USP13: variants seen among roughly 807,000 people sequenced by gnomAD.
USP13 encodes the protein ubiquitin specific peptidase 13.
Under a neutral mutation model 107.8 loss-of-function variants are expected in USP13, and 68 were observed. The observed-to-expected ratio is 0.63, with a 90% confidence interval of 0.52 to 0.77. The LOEUF (loss-of-function observed/expected upper bound fraction) is 0.77, where lower values mean the gene tolerates loss of function less well. USP13 is among the 30% of genes least tolerant of loss of function. The pLI is 0.00. For synonymous variants in USP13, 377 were observed against 389.5 expected (o/e 0.97, Z 0.38); for missense variants, 945 against 1,093.3 (o/e 0.86, Z 1.91).
chr3:179,693,163 T>G (rs1455417956), intron 3 of USP13, among the ~76,000 whole-genome samples: 1 of 152,158 alleles, frequency 6.6e-6, no homozygotes, highest in Non-Finnish European at 1.5e-5. Flanking sequence ...CTTTTTCGGT[T>G]TTTGAGACAG....
chr3:179,758,810 A>T (rs1714901777), intron 16 of USP13, among the ~76,000 whole-genome samples: 1 of 150,700 alleles, frequency 6.6e-6, no homozygotes, highest in South Asian at 2.1e-4. Context: ...TAAAATTTTT[A>T]AAAGAATAAC....
chr3:179,714,847 C>T (rs111976237), intron 6 of USP13, among the ~76,000 whole-genome samples: 3,038 of 150,078 alleles, frequency 0.02, 47 homozygotes, highest in Non-Finnish European at 0.027. Context: ...TCTGTCCTGG[C>T]GGTTCTCTTT....
chr3:179,677,426 C>G (rs1054163420), intron 1 of USP13, among the ~76,000 whole-genome samples: 54 of 151,942 alleles, frequency 3.6e-4, no homozygotes, highest in African/African-American at 1.2e-3. Context: ...ACTGAAAATA[C>G]AACATTAGCC....
intron 7 of USP13, among the ~76,000 whole-genome samples, chr3:179,720,465 T>C (rs1448078261): frequency 6.6e-6 from 1 of 152,220 alleles, no homozygotes; most frequent in African/African-American, 2.4e-5. Context: ...CACATTACTG[T>C]TGATAGAGAA....
chr3:179,768,986 C>A (rs6791555), intron 19 of USP13, among the ~76,000 whole-genome samples: 5 of 151,884 alleles, frequency 3.3e-5, no homozygotes, highest in African/African-American at 1.2e-4. Flanking sequence ...TATGAAAAGA[C>A]AAAATTAAAA....
rs768616603 is a variant in USP13 at position 179,752,243 on chromosome 3, T to G, written c.1710-42T>G. On this transcript the variant is annotated intron_variant, in intron 13 of 20. Transcript: ENST00000263966. ...GCTTTTTGAACTGTATTCACAATTC[T>G]TATTGCCTTGTTTCATTGATATATC... 29 of 1,562,750 alleles carry G rather than the reference T, an allele frequency of 1.9e-5. No individual in the cohort carries two copies. The South Asian group carries it at 3.2e-4, about 17-fold the overall frequency.
intron 17 of USP13, among the ~76,000 whole-genome samples, chr3:179,763,590 A>G (rs558881907): frequency 1.2e-4 from 19 of 152,128 alleles, no homozygotes; most frequent in African/African-American, 4.1e-4. Flanking sequence ...CCAGTACCAG[A>G]CTGTCTTTTT....
In USP13 at chr3:179,745,106, A is replaced by G; in HGVS notation, c.1598A>G (p.Glu533Gly). 6.2e-7 allele frequency: 1 copy of G among 1,614,150 alleles called. No individual in the cohort carries two copies. Among genetic ancestry groups the G allele is most frequent in the African/African-American group, 1.3e-5 (1 of 75,032 alleles). ...GAAGCAAACAGAAGACCCCTTCCTG[A>G]GTTGGTACGTGCCAAGATACCATTT... The part of the protein sequence containing the change: ...EAEANRRPLP[E>G]LVRAKIPFSA... The change falls in exon 13 of 21, where the codon GAG becomes GGG. Residue 533 changes from glutamate (E) to glycine (G), a missense_variant. Transcript: ENST00000263966.
chr3:179,712,073 A>G (rs1712950195), intron 6 of USP13, among the ~76,000 whole-genome samples: 1 of 152,228 alleles, frequency 6.6e-6, no homozygotes, highest in Admixed American at 6.5e-5. Context: ...CCACTGCCAT[A>G]TATGCAGTCC....
intron 6 of USP13, among the ~76,000 whole-genome samples, chr3:179,711,813 T>C (rs1712940058): frequency 6.6e-6 from 1 of 152,204 alleles, no homozygotes; most frequent in Non-Finnish European, 1.5e-5. Context: ...ATAAGTAAAA[T>C]AACAATAAAA....
rs1713748093 is a variant in USP13 at position 179,730,153 on chromosome 3, G to A, written c.1089-36G>A. On this transcript the variant is annotated intron_variant, in intron 8 of 20. Transcript: ENST00000263966. Reference sequence around the variant, plus strand: ...TTGTTTTGGTTCTGTTCTTCTTGCAGTTGCTATGTTTTAACTATTGCCTCT... The same window carrying A: ...TTGTTTTGGTTCTGTTCTTCTTGCAATTGCTATGTTTTAACTATTGCCTCT... 1.9e-6 allele frequency: 3 copies of A among 1,578,224 alleles called. No homozygotes were observed. In the African/African-American group the frequency reaches 4.1e-5, roughly 21 times the overall value.
At chr3:179,712,355 G>A (rs1264094713) in intron 6 of USP13, among the ~76,000 whole-genome samples, 2 of 152,238 alleles carry the variant, frequency 1.3e-5, no homozygotes, top group Non-Finnish European at 2.9e-5. Context: ...AGAGATAAAA[G>A]TTTAGATAAA....
At chr3:179,746,746 A>G (rs569161146) in intron 13 of USP13, among the ~76,000 whole-genome samples, 3 of 151,478 alleles carry the variant, frequency 2.0e-5, no homozygotes, top group South Asian at 4.2e-4. Flanking sequence ...TTGTTTTTTT[A>G]GTGGAGACAG....
At chr3:179,700,187 C>T (rs2108473612) in intron 3 of USP13, among the ~76,000 whole-genome samples, 1 of 152,144 alleles carries the variant, frequency 6.6e-6, no homozygotes, top group South Asian at 2.1e-4. Context: ...GAGGGGACGA[C>T]CTGATAGGTA....
intron 1 of USP13, among the ~76,000 whole-genome samples, chr3:179,663,375 C>T (rs969203485): frequency 6.6e-6 from 1 of 152,154 alleles, no homozygotes; most frequent in Admixed American, 6.5e-5. Context: ...CTTGTTTATC[C>T]AGTCATCTGT....
At chr3:179,767,447 CAG>C (rs1352593192) in intron 19 of USP13, among the ~76,000 whole-genome samples, 2 of 145,410 alleles carry the variant, frequency 1.4e-5, no homozygotes, top group Non-Finnish European at 3.0e-5. Flanking sequence ...TTTTTTGAGA[CAG>C]AGTCTCACTC....
intron 19 of USP13, among the ~76,000 whole-genome samples, chr3:179,777,443 C>CTTTTT (rs11317182): frequency 1.1e-4 from 12 of 113,672 alleles, no homozygotes; most frequent in East Asian, 2.7e-4. Flanking sequence ...CTCTCTCTCT[C>CTTTTT]TTTTTTTTTT....
chr3:179,749,569 A>G (rs1714524352), intron 13 of USP13, among the ~76,000 whole-genome samples: 1 of 152,224 alleles, frequency 6.6e-6, no homozygotes, highest in Non-Finnish European at 1.5e-5. Context: ...TTGAACAGAT[A>G]TATATTGAAC....
chr3:179,743,258 G>T (rs1189516003), intron 12 of USP13, among the ~76,000 whole-genome samples: 2 of 152,216 alleles, frequency 1.3e-5, no homozygotes, highest in East Asian at 3.9e-4. Context: ...GTTGGTGGGT[G>T]GGGGGAAAGG....
Sources: gnomAD v4.1 joint callset for allele counts (sites outside exome capture counted in the v4.1 genomes callset) on GRCh38, gnomAD v4.1.1 for gene constraint, MANE v1.5 for transcripts, NCBI Gene and HGNC (gene_info 2026-07-23, HGNC 2026-07-21) for gene names.